Variants in BHMT observed in about 807,000 individuals in gnomAD.
BHMT encodes betaine--homocysteine S-methyltransferase 1.
Under a neutral mutation model 49.5 loss-of-function variants are expected in BHMT, and 38 were observed. That is an observed-to-expected ratio of 0.77 (90% confidence interval 0.59 to 1.01). The LOEUF (loss-of-function observed/expected upper bound fraction) is 1.01, where lower values mean the gene tolerates loss of function less well. BHMT is among the 50% of genes least tolerant of loss of function. The pLI, the probability that BHMT is intolerant of heterozygous loss-of-function variation, is 0.00. For missense variants in BHMT, 426 were observed against 495.7 expected, an observed-to-expected ratio of 0.86 and a Z score of 1.34; for synonymous variants, 166 against 176.3, an observed-to-expected ratio of 0.94 and a Z score of 0.46.
At chr5:79,116,776 G>A (rs927664113) in intron 2 of BHMT, among the ~76,000 whole-genome samples, 1 of 152,130 alleles carries the variant, frequency 6.6e-6, no homozygotes, top group Non-Finnish European at 1.5e-5. Context: ...GTAATATAAT[G>A]AGGAGTTAAG....
intron 5 of BHMT, among the ~76,000 whole-genome samples, 181 bp from the exon 6 acceptor site, chr5:79,125,865 C>A (rs967351489): frequency 6.6e-6 from 1 of 152,074 alleles, no homozygotes; most frequent in Admixed American, 6.6e-5. Flanking sequence ...ATTGCTTGAT[C>A]ACTTGAGGTG....
intron 5 of BHMT, among the ~76,000 whole-genome samples, 157 bp from the exon 6 acceptor site, chr5:79,125,889 G>A (rs1756544815): frequency 6.6e-6 from 1 of 152,092 alleles, no homozygotes; most frequent in Non-Finnish European, 1.5e-5. Flanking sequence ...ACTGCAGTGA[G>A]CTGAGATCAC....
Position 79,120,391 on chromosome 5 carries a change from A to C in BHMT, c.327A>C (p.Gln109His). 6.2e-7 allele frequency: 1 copy of C among 1,613,878 alleles called. No individual in the cohort carries two copies. Among genetic ancestry groups the C allele is most frequent in the Non-Finnish European group, 8.5e-7 (1 of 1,179,922 alleles). The change falls in exon 4 of 8, where the codon CAA becomes CAC. Residue 109 changes from glutamine to histidine, a missense_variant. Coordinates refer to ENST00000274353, the MANE Select transcript of BHMT (RefSeq NM_001713.3). ...VNEAACDIAR[Q>H]VADEGDALVA... ...AAGCTGCTTGCGACATCGCCCGACA[A>C]GTGGCTGATGAAGGAGATGCTTTGG...
rs1485179496 is a variant in BHMT, at chr5:79,131,171, C to T, written c.*55C>T. On this transcript the variant is annotated 3_prime_UTR_variant, in exon 8 of 8. Coordinates refer to ENST00000274353, the MANE Select transcript of BHMT (RefSeq NM_001713.3). Reference sequence around the variant, plus strand: ...CTAGGTGTTTGGGTCACAGTTCCTACAAATACGGAAAAGGGGGTTAAAAAG... The same window carrying T: ...CTAGGTGTTTGGGTCACAGTTCCTATAAATACGGAAAAGGGGGTTAAAAAG... 1 of 1,525,782 alleles carries T rather than the reference C, an allele frequency of 6.6e-7. No individual in the cohort carries two copies. Among genetic ancestry groups the T allele is most frequent in the African/African-American group, 1.4e-5 (1 of 72,384 alleles). The allele number at this position is 1,525,782 out of a possible 1,614,324, so 94.5% of individuals were successfully genotyped here.
At chr5:79,120,254 A>G in intron 3 of BHMT, 96 bp from the exon 4 acceptor site, 1 of 1,202,080 alleles carries the variant, frequency 8.3e-7, no homozygotes, top group Non-Finnish European at 1.1e-6. Flanking sequence ...ATAAGATACT[A>G]TTGTAAATAT....
At chr5:79,126,856 A>C (rs991415065) in intron 6 of BHMT, among the ~76,000 whole-genome samples, 1 of 152,128 alleles carries the variant, frequency 6.6e-6, no homozygotes, top group Non-Finnish European at 1.5e-5. Context: ...GGTTGATCTC[A>C]CAAATTAAGC....
chr5:79,113,104 T>G (rs751233984), intron 1 of BHMT, among the ~76,000 whole-genome samples: 4 of 152,176 alleles, frequency 2.6e-5, no homozygotes, highest in Non-Finnish European at 5.9e-5. Context: ...CAAAAAGACC[T>G]CTACACAAGG....
chr5:79,120,583 T>A, intron 4 of BHMT, 42 bp downstream of exon 4: 1 of 1,550,296 alleles, frequency 6.5e-7, no homozygotes, highest in Non-Finnish European at 8.7e-7. Context: ...ATACACCTAG[T>A]ACATTTTCTC....
Position 79,123,197 on chromosome 5 carries a change from C to G in BHMT, c.625+1832C>G, listed in dbSNP as rs1410514205. Among the ~76,000 whole-genome samples the G allele has an allele frequency of 2.0e-5, 3 of 152,138 alleles. No homozygotes were observed. In the East Asian group the frequency reaches 5.8e-4, roughly 29 times the overall value. On this transcript the variant is annotated intron_variant, in intron 5 of 7. Coordinates refer to ENST00000274353, the MANE Select transcript of BHMT (RefSeq NM_001713.3). ...CTTCAGTGAGATGAGAACAGAGAAG[C>G]AGCTGCTGGATTTGGCAAGGTTGAG...
chr5:79,119,562 G>A (rs770452767), intron 3 of BHMT, 185 bp downstream of exon 3: 7 of 465,750 alleles, frequency 1.5e-5, no homozygotes, highest in Non-Finnish European at 1.9e-5. Context: ...TTAACAAAGA[G>A]GCATTTAGCG....
At chr5:79,113,672 A>G (rs1756340724) in intron 1 of BHMT, among the ~76,000 whole-genome samples, 1 of 152,200 alleles carries the variant, frequency 6.6e-6, no homozygotes, top group Non-Finnish European at 1.5e-5. Context: ...AAATGGGCTG[A>G]TATTACATAT....
chr5:79,126,377 C>A, intron 6 of BHMT, 149 bp downstream of exon 6: 1 of 860,444 alleles, frequency 1.2e-6, no homozygotes, highest in Non-Finnish European at 1.8e-6. Flanking sequence ...TCCCTGCAGC[C>A]AAAAGCCCCT....
chr5:79,124,374 C>T (rs991909115), intron 5 of BHMT, among the ~76,000 whole-genome samples: 1 of 151,724 alleles, frequency 6.6e-6, no homozygotes, highest in Non-Finnish European at 1.5e-5. Flanking sequence ...CATAATGAGG[C>T]CTTGTCTCTA....
intron 2 of BHMT, among the ~76,000 whole-genome samples, chr5:79,117,383 T>C (rs984900052): frequency 1.3e-5 from 2 of 152,164 alleles, no homozygotes; most frequent in African/African-American, 4.8e-5. Flanking sequence ...TCTGGGTTTA[T>C]CTGATTGATA....
chr5:79,126,925 C>T (rs1206980652), intron 6 of BHMT, among the ~76,000 whole-genome samples: 2 of 152,186 alleles, frequency 1.3e-5, no homozygotes, highest in Non-Finnish European at 2.9e-5. Flanking sequence ...AAGGTCTTTA[C>T]ACCCTATCCT....
At chr5:79,123,547 C>CGTTG (rs1756507157) in intron 5 of BHMT, among the ~76,000 whole-genome samples, 1 of 18,368 alleles carries the variant, frequency 5.4e-5, no homozygotes, top group Non-Finnish European at 1.4e-4. Flanking sequence ...TTGGTTGGTT[C>CGTTG]GTTGGTTGGT....
At chr5:79,130,326 A>G (rs1002023043) in intron 7 of BHMT, among the ~76,000 whole-genome samples, 3 of 152,348 alleles carry the variant, frequency 2.0e-5, no homozygotes, top group African/African-American at 7.2e-5. Flanking sequence ...AAATCACATC[A>G]GTTTTTACAT....
At chr5:79,111,947 C>A in intron 1 of BHMT, 29 bp downstream of exon 1, 1 of 1,563,126 alleles carries the variant, frequency 6.4e-7, no homozygotes, top group South Asian at 1.2e-5. Context: ...CGAGGGCGCT[C>A]TCCTTCCCCT....
At chr5:79,119,172 G>A in intron 2 of BHMT, 87 bp from the exon 3 acceptor site, 1 of 1,058,010 alleles carries the variant, frequency 9.5e-7, no homozygotes, top group Non-Finnish European at 1.4e-6. Context: ...TCAAGCAGTT[G>A]TTTTCCTGCT....
Sources: gnomAD v4.1 joint callset for allele counts (sites outside exome capture counted in the v4.1 genomes callset) on GRCh38, gnomAD v4.1.1 for gene constraint, MANE v1.5 for transcripts, NCBI Gene and HGNC (gene_info 2026-07-23, HGNC 2026-07-21) for gene names.